The following CNTN1 variants were observed in gnomAD, a reference collection of about 807,000 sequenced individuals.
CNTN1 encodes the protein contactin 1.
A neutral mutation model predicts 126.4 loss-of-function variants in CNTN1; 38 were observed. The observed-to-expected ratio is 0.30, with a 90% CI of 0.23 to 0.39. CNTN1 has a LOEUF of 0.39. CNTN1 is among the 10% of genes least tolerant of loss of function. The pLI, the probability that CNTN1 is intolerant of heterozygous loss-of-function variation, is 1.00. For synonymous variants in CNTN1, 413 were observed against 422.6 expected, an observed-to-expected ratio of 0.98 and a Z score of 0.28; for missense variants, 1,009 against 1,248.4, an observed-to-expected ratio of 0.81 and a Z score of 2.89.
intron 1 of CNTN1, among the ~76,000 whole-genome samples, chr12:40,897,550 A>G (rs1456462680): frequency 3.3e-5 from 5 of 152,232 alleles, no homozygotes; most frequent in African/African-American, 1.2e-4. Flanking sequence ...ACTTTCCTTT[A>G]GATACCAGTT....
At chr12:40,932,077 G>T (rs1945906015) in intron 7 of CNTN1, among the ~76,000 whole-genome samples, 1 of 151,718 alleles carries the variant, frequency 6.6e-6, no homozygotes, top group South Asian at 2.1e-4. Flanking sequence ...TGCCAGCAAG[G>T]TCTTCCACTT....
intron 1 of CNTN1, among the ~76,000 whole-genome samples, chr12:40,866,236 A>T (rs1168544977): frequency 2.0e-5 from 3 of 152,124 alleles, no homozygotes; most frequent in Non-Finnish European, 2.9e-5. Context: ...TTTTCTAAAT[A>T]CAAGATTATG....
chr12:40,765,874 T>G (rs1939064097), intron 1 of CNTN1, among the ~76,000 whole-genome samples: 1 of 152,176 alleles, frequency 6.6e-6, no homozygotes, highest in South Asian at 2.1e-4. Context: ...TTGATGGAGC[T>G]CATAGTGTTG....
chr12:40,845,486 A>C (rs1481986711), intron 1 of CNTN1, among the ~76,000 whole-genome samples: 1 of 152,212 alleles, frequency 6.6e-6, no homozygotes, highest in Non-Finnish European at 1.5e-5. Flanking sequence ...ACAGAGTACC[A>C]AGTAAAAGAA....
chr12:40,713,273 C>A (rs2121174102), intron 1 of CNTN1, among the ~76,000 whole-genome samples: 1 of 148,944 alleles, frequency 6.7e-6, no homozygotes, highest in South Asian at 2.1e-4. Context: ...TTTATGTCAT[C>A]TAGAGGAGTA....
chr12:41,033,423 T>A (rs1416838291), intron 23 of CNTN1, among the ~76,000 whole-genome samples: 1 of 152,196 alleles, frequency 6.6e-6, no homozygotes, highest in Non-Finnish European at 1.5e-5. Flanking sequence ...TTGACAAGGA[T>A]CCTTGGTCAT....
intron 23 of CNTN1, among the ~76,000 whole-genome samples, chr12:41,048,192 G>C (rs145001957): frequency 1.3e-5 from 2 of 152,154 alleles, no homozygotes; most frequent in African/African-American, 4.8e-5. Flanking sequence ...ATGCCAACAC[G>C]AACACTGGTT....
intron 19 of CNTN1, 105 bp downstream of exon 19, chr12:41,017,021 T>C (rs1351533993): frequency 2.3e-6 from 2 of 852,322 alleles, no homozygotes; most frequent in African/African-American, 1.7e-5. Flanking sequence ...AAGACCTTTT[T>C]ATAGCATTAT....
intron 1 of CNTN1, among the ~76,000 whole-genome samples, chr12:40,856,646 T>C (rs1942918631): frequency 6.6e-6 from 1 of 152,124 alleles, no homozygotes; most frequent in Admixed American, 6.6e-5. Context: ...TAAATTTCAA[T>C]TTCTCTGGGC....
chr12:40,769,770 T>A (rs1200767707), intron 1 of CNTN1, among the ~76,000 whole-genome samples: 1 of 152,026 alleles, frequency 6.6e-6, no homozygotes, highest in Non-Finnish European at 1.5e-5. Context: ...AAGTGCCTTA[T>A]TGTTTCATCC....
In CNTN1 at chr12:41,011,207, G is replaced by T. The variant is rs745693892; in HGVS notation, c.2114-3021G>T. Among the ~76,000 whole-genome samples the T allele has an allele frequency of 1.8e-4, 27 of 152,322 alleles. No homozygotes were observed. In the South Asian group the frequency reaches 1.9e-3, roughly 11 times the overall value. ...ACTTGAGGTGACCCCAAATAACGGG[G>T]ATTCTCAGATGGCTCCTCTGGAAGT... On this transcript the variant is annotated intron_variant, in intron 17 of 23. Coordinates refer to ENST00000551295, the MANE Select transcript of CNTN1 (RefSeq NM_001843.4).
intron 17 of CNTN1, among the ~76,000 whole-genome samples, chr12:41,012,267 G>A (rs956685177): frequency 6.6e-6 from 1 of 152,168 alleles, no homozygotes. Context: ...CTCACTGGGG[G>A]TACCCTCTGT....
At chr12:40,959,625 A>G (rs1489002471) in intron 15 of CNTN1, among the ~76,000 whole-genome samples, 1 of 152,126 alleles carries the variant, frequency 6.6e-6, no homozygotes, top group Non-Finnish European at 1.5e-5. Flanking sequence ...CAACTGTTAT[A>G]TATTTATCAC....
intron 1 of CNTN1, among the ~76,000 whole-genome samples, chr12:40,777,093 T>C (rs1442826558): frequency 9.9e-5 from 15 of 151,668 alleles, no homozygotes. Context: ...ATATTCAACT[T>C]CCTTTTTGAT....
intron 1 of CNTN1, among the ~76,000 whole-genome samples, chr12:40,904,349 TTTCC>T (rs1944730540): frequency 2.1e-5 from 2 of 96,610 alleles, no homozygotes; most frequent in Non-Finnish European, 4.0e-5. Context: ...TCTTCTTCTT[TTTCC>T]TTCCTTCCTT....
intron 12 of CNTN1, among the ~76,000 whole-genome samples, 197 bp downstream of exon 12, chr12:40,939,682 A>C (rs1309485435): frequency 6.6e-6 from 1 of 152,000 alleles, no homozygotes; most frequent in Admixed American, 6.6e-5. Context: ...AATTAACAGG[A>C]CTCTATAATG....
chr12:40,925,677 T>A (rs1265526943), intron 6 of CNTN1, among the ~76,000 whole-genome samples: 2 of 142,644 alleles, frequency 1.4e-5, no homozygotes, highest in African/African-American at 5.2e-5. Context: ...ATCAAATATT[T>A]GTGATTTTCT....
chr12:41,051,893 AACACACACACACACACACAC>A (rs71078300), intron 23 of CNTN1, among the ~76,000 whole-genome samples: 1 of 134,486 alleles, frequency 7.4e-6, no homozygotes, highest in Admixed American at 7.5e-5. Context: ...ACCCCACACA[AACACACACACACACACACAC>A]ACACACACAC....
At chr12:40,937,919 C>T (rs1291777468) in intron 11 of CNTN1, among the ~76,000 whole-genome samples, 1 of 152,122 alleles carries the variant, frequency 6.6e-6, no homozygotes, top group East Asian at 1.9e-4. Flanking sequence ...GCAGCAGTGG[C>T]CATACCTAGG....
Sources: gnomAD v4.1 joint callset for allele counts (sites outside exome capture counted in the v4.1 genomes callset) on GRCh38, gnomAD v4.1.1 for gene constraint, MANE v1.5 for transcripts, NCBI Gene and HGNC (gene_info 2026-07-23, HGNC 2026-07-21) for gene names.